Variants in HS6ST3 observed in about 807,000 individuals in gnomAD.
The protein encoded by HS6ST3 is heparan-sulfate 6-O-sulfotransferase 3.
Under a neutral mutation model 36.7 loss-of-function variants are expected in HS6ST3, and 12 were observed. The ratio of observed to expected loss-of-function variants is 0.33; its 90% CI spans 0.21 to 0.53. The LOEUF is 0.53. Among genes scored for constraint, HS6ST3 ranks in the 20% least tolerant of loss-of-function variants. HS6ST3 has a pLI of 0.95. For missense variants in HS6ST3, 584 were observed against 640.9 expected (o/e 0.91, Z 0.96); for synonymous variants, 240 against 257.5 (o/e 0.93, Z 0.65).
At chr13:96,407,194 A>G (rs2055482907) in intron 1 of HS6ST3, among the ~76,000 whole-genome samples, 1 of 152,228 alleles carries the variant, frequency 6.6e-6, no homozygotes, top group Non-Finnish European at 1.5e-5. Flanking sequence ...TTTAAGTTCA[A>G]AAGGGGAGAG....
intron 1 of HS6ST3, among the ~76,000 whole-genome samples, chr13:96,487,454 T>C (rs1412345924): frequency 6.6e-6 from 1 of 152,138 alleles, no homozygotes; most frequent in Admixed American, 6.6e-5. Context: ...CCCGCTTAAA[T>C]TGAATTTCTA....
At chr13:96,509,665 T>C (rs1021601139) in intron 1 of HS6ST3, among the ~76,000 whole-genome samples, 1 of 152,172 alleles carries the variant, frequency 6.6e-6, no homozygotes, top group African/African-American at 2.4e-5. Flanking sequence ...TGTATTTGGC[T>C]TTGTTTCTGG....
intron 1 of HS6ST3, among the ~76,000 whole-genome samples, chr13:96,196,657 T>C (rs1370563845): frequency 1.3e-5 from 2 of 152,172 alleles, no homozygotes; most frequent in African/African-American, 4.8e-5. Flanking sequence ...TAAGAAGACA[T>C]GGGTGTGCAG....
intron 1 of HS6ST3, among the ~76,000 whole-genome samples, chr13:96,788,743 CT>C: frequency 6.6e-6 from 1 of 151,788 alleles, no homozygotes; most frequent in South Asian, 2.1e-4. Flanking sequence ...ATTATGAGTC[CT>C]TGGTGAATTG....
intron 1 of HS6ST3, among the ~76,000 whole-genome samples, chr13:96,194,654 A>C (rs2054303724): frequency 6.6e-6 from 1 of 152,128 alleles, no homozygotes; most frequent in Non-Finnish European, 1.5e-5. Flanking sequence ...AGTATACATT[A>C]CTACTAATTA....
At chr13:96,125,194 T>C (rs1364846939) in intron 1 of HS6ST3, among the ~76,000 whole-genome samples, 1 of 151,784 alleles carries the variant, frequency 6.6e-6, no homozygotes, top group Non-Finnish European at 1.5e-5. Context: ...AGATAAAGAG[T>C]GAGATATAAA....
chr13:96,423,985 A>G (rs2055574010), intron 1 of HS6ST3, among the ~76,000 whole-genome samples: 1 of 152,180 alleles, frequency 6.6e-6, no homozygotes, highest in African/African-American at 2.4e-5. Context: ...TAAGCCTGTT[A>G]TTCCAATTTT....
chr13:96,478,230 G>A (rs1045915928), intron 1 of HS6ST3, among the ~76,000 whole-genome samples: 2 of 152,160 alleles, frequency 1.3e-5, no homozygotes, highest in Non-Finnish European at 2.9e-5. Flanking sequence ...TTTTAAGTGA[G>A]GATGGATTGC....
intron 1 of HS6ST3, among the ~76,000 whole-genome samples, chr13:96,234,243 C>G (rs2054523140): frequency 6.6e-6 from 1 of 151,376 alleles, no homozygotes; most frequent in Non-Finnish European, 1.5e-5. Flanking sequence ...AAACCTGTCT[C>G]TACTAAAAAT....
At chr13:96,108,571 A>C (rs866874537) in intron 1 of HS6ST3, among the ~76,000 whole-genome samples, 17 of 152,270 alleles carry the variant, frequency 1.1e-4, no homozygotes, top group Middle Eastern at 3.4e-3. Context: ...GGCATCATGG[A>C]ACCTGCCAAC....
chr13:96,735,195 T>C (rs1876252214), intron 1 of HS6ST3, among the ~76,000 whole-genome samples: 1 of 151,770 alleles, frequency 6.6e-6, no homozygotes, highest in Admixed American at 6.6e-5. Context: ...AAAAAGATTC[T>C]GGGATGATAT....
At chr13:96,594,211 A>C (rs574911909) in intron 1 of HS6ST3, among the ~76,000 whole-genome samples, 1 of 151,698 alleles carries the variant, frequency 6.6e-6, no homozygotes, top group East Asian at 1.9e-4. Context: ...ACTTCAGGTG[A>C]TATGCCGGCT....
intron 1 of HS6ST3, among the ~76,000 whole-genome samples, chr13:96,800,951 A>G (rs1878051127): frequency 6.6e-6 from 1 of 152,102 alleles, no homozygotes; most frequent in Admixed American, 6.6e-5. Context: ...AAGACATAAA[A>G]AGTGCCATTG....
chr13:96,232,202 G>C (rs2054512047), intron 1 of HS6ST3, among the ~76,000 whole-genome samples: 2 of 152,194 alleles, frequency 1.3e-5, no homozygotes, highest in Non-Finnish European at 2.9e-5. Context: ...AGCAGAGGTA[G>C]GTAGCCTGAG....
At chr13:96,129,088 C>G (rs2053964719) in intron 1 of HS6ST3, among the ~76,000 whole-genome samples, 1 of 152,158 alleles carries the variant, frequency 6.6e-6, no homozygotes, top group African/African-American at 2.4e-5. Context: ...CTCAGGTGAT[C>G]CGTCTGCTTC....
intron 1 of HS6ST3, among the ~76,000 whole-genome samples, chr13:96,324,108 G>A (rs2055018437): frequency 6.6e-6 from 1 of 152,124 alleles, no homozygotes; most frequent in African/African-American, 2.4e-5. Flanking sequence ...AGTAATAGAA[G>A]GTAGTAAGCT....
At position 96,644,111 on chromosome 13, in the gene HS6ST3, T is replaced by C. The variant is rs563682336; in HGVS notation, c.708-188379T>C. 3.9e-5 allele frequency among the ~76,000 whole-genome samples: 6 copies of C among 152,138 alleles called. No homozygotes were observed. The East Asian group carries it at 1.2e-3, about 30-fold the overall frequency. ...CACTATTAAAAGACTCAATAAATGA[T>C]GTTTGTTTTTGTTATCAATTAGCTA... On this transcript the variant is annotated intron_variant, in intron 1 of 1. Transcript: ENST00000376705.
intron 1 of HS6ST3, among the ~76,000 whole-genome samples, chr13:96,612,925 C>T (rs1055492652): frequency 2.0e-5 from 3 of 152,158 alleles, no homozygotes; most frequent in Non-Finnish European, 4.4e-5. Flanking sequence ...CTGGTTTCTT[C>T]AACACTCTGA....
At chr13:96,240,566 A>G (rs2054555296) in intron 1 of HS6ST3, among the ~76,000 whole-genome samples, 1 of 152,238 alleles carries the variant, frequency 6.6e-6, no homozygotes, top group East Asian at 1.9e-4. Context: ...TAAAGAGGAT[A>G]AAGGAAAGAG....
Sources: gnomAD v4.1 joint callset for allele counts (sites outside exome capture counted in the v4.1 genomes callset) on GRCh38, gnomAD v4.1.1 for gene constraint, MANE v1.5 for transcripts, NCBI Gene and HGNC (gene_info 2026-07-23, HGNC 2026-07-21) for gene names.